The following NPM2 variants were observed in gnomAD, a reference collection of about 807,000 sequenced individuals.
The protein encoded by NPM2 is nucleophosmin/nucleoplasmin 2.
A neutral mutation model predicts 32.0 loss-of-function variants in NPM2; 25 were observed. The observed-to-expected ratio is 0.78, with a 90% confidence interval of 0.57 to 1.09. The LOEUF is 1.09. Among genes scored for constraint, NPM2 ranks in the 50% least tolerant of loss-of-function variants. NPM2 has a pLI of 0.00. For missense variants in NPM2, 282 were observed against 259.9 expected (o/e 1.08, Z -0.58); for synonymous variants, 111 against 94.2 (o/e 1.18, Z -1.04).
At chr8:22,025,403 A>G in intron 3 of NPM2, 33 bp from the exon 4 acceptor site, 1 of 1,608,878 alleles carries the variant, frequency 6.2e-7, no homozygotes, top group Non-Finnish European at 8.5e-7. Flanking sequence ...GAACGAATGG[A>G]GGGCCCCACT....
rs377212605 is a variant in NPM2 at position 22,036,729 on chromosome 8, C to T, written c.*47C>T. On this transcript the variant is annotated 3_prime_UTR_variant, in exon 10 of 10. Coordinates refer to ENST00000518119, the MANE Select transcript of NPM2 (RefSeq NM_001286680.2). ...CGGTGCAAAGTGGGCCTTCCCTGGG[C>T]TGTGCTGCAGGCACAGGGTGCCCCT... 2.6e-6 allele frequency: 4 copies of T among 1,518,222 alleles called. No individual in the cohort carries two copies. The highest frequency in any genetic ancestry group is 2.8e-5 in the African/African-American group (2 of 70,948). 94.0% of individuals were successfully genotyped at this position (1,518,222 alleles called of 1,614,324 possible).
In NPM2 at chr8:22,033,196, G is replaced by C; in HGVS notation, c.337G>C (p.Val113Leu). Residue 113 changes from valine to leucine, a missense_variant, in exon 6 of 10, where the codon GTG becomes CTG. Val to Leu is a conservative substitution (Grantham distance 32). Coordinates refer to ENST00000518119, the MANE Select transcript of NPM2 (RefSeq NM_001286680.2). Reference sequence around the variant, plus strand: ...CCAGCTCCGGGCTGGCTCAGGACCCGTGTTCCTCAGTGGCCAGGAACGTTA... The same window carrying C: ...CCAGCTCCGGGCTGGCTCAGGACCCCTGTTCCTCAGTGGCCAGGAACGTTA... Reference protein sequence around the residue: ...TFQLRAGSGPVFLSGQERYEA... With the variant: ...TFQLRAGSGPLFLSGQERYEA... 6.2e-7 allele frequency: 1 copy of C among 1,613,982 alleles called. No individual in the cohort carries two copies. The highest frequency in any genetic ancestry group is 2.2e-5 in the East Asian group (1 of 44,866).
intron 9 of NPM2, 36 bp from the exon 10 acceptor site, chr8:22,036,602 G>A: frequency 6.4e-7 from 1 of 1,555,022 alleles, no homozygotes; most frequent in Non-Finnish European, 8.7e-7. Flanking sequence ...TATGGAGAAG[G>A]GAACGGGACC....
chr8:22,034,312 T>C (rs753674253), intron 7 of NPM2, 37 bp downstream of exon 7: 27 of 1,550,898 alleles, frequency 1.7e-5, no homozygotes, highest in Non-Finnish European at 2.4e-5. Context: ...AAGGAAGTGG[T>C]ACCCCTACAG....
intron 3 of NPM2, 44 bp from the exon 4 acceptor site, chr8:22,025,392 G>T (rs972177050): frequency 1.2e-6 from 2 of 1,606,892 alleles, no homozygotes; most frequent in African/African-American, 1.3e-5. Flanking sequence ...CCCTCCTTTG[G>T]GAACGAATGG....
chr8:22,028,485 ATTTTTTTTTT>A (rs34390285), intron 5 of NPM2, among the ~76,000 whole-genome samples: 1 of 139,318 alleles, frequency 7.2e-6, no homozygotes. Context: ...TGCCCAGCTG[ATTTTTTTTTT>A]TTTTTGTAAT....
intron 3 of NPM2, 45 bp from the exon 4 acceptor site, chr8:22,025,391 G>C: frequency 6.2e-7 from 1 of 1,606,350 alleles, no homozygotes. Flanking sequence ...CCCCTCCTTT[G>C]GGAACGAATG....
At position 22,025,770 on chromosome 8, in the gene NPM2, A is replaced by G. The variant is rs775998097; in HGVS notation, c.268A>G (p.Met90Val). The G allele has an allele frequency of 2.5e-6, 4 of 1,613,864 alleles. No homozygotes were observed. Among genetic ancestry groups the G allele is most frequent in the South Asian group, 1.1e-5 (1 of 91,080 alleles). ...CTCACTCCAGGCCTCAGTCCTCCCC[A>G]TGGTGCGCATTTCCCTGCTGGCTGG... ...IASLQASVLP[M>V]VSMVGVQLSP... is the part of the protein sequence containing the mutation. The change falls in exon 5 of 10, where the codon ATG becomes GTG. Residue 90 changes from methionine (M) to valine (V), a missense_variant and splice_region_variant. Transcript: ENST00000518119.
At chr8:22,027,122 T>C (rs1007512160) in intron 5 of NPM2, among the ~76,000 whole-genome samples, 1 of 152,230 alleles carries the variant, frequency 6.6e-6, no homozygotes, top group Admixed American at 6.5e-5. Context: ...TTTACTCATA[T>C]ATTGAGCCCT....
intron 5 of NPM2, among the ~76,000 whole-genome samples, chr8:22,027,117 T>C (rs1456942456): frequency 1.3e-5 from 2 of 152,232 alleles, no homozygotes; most frequent in Admixed American, 6.5e-5. Flanking sequence ...TTTGTTTTAC[T>C]CATATATTGA....
At chr8:22,030,881 C>A (rs1800416471) in intron 5 of NPM2, among the ~76,000 whole-genome samples, 1 of 152,114 alleles carries the variant, frequency 6.6e-6, no homozygotes, top group Non-Finnish European at 1.5e-5. Flanking sequence ...GTTCTAAGTT[C>A]TTGGTCGGGC....
chr8:22,033,977 A>T, intron 6 of NPM2, 132 bp from the exon 7 acceptor site: 1 of 1,378,636 alleles, frequency 7.3e-7, no homozygotes, highest in Non-Finnish European at 9.7e-7. Flanking sequence ...GCAGGCAGGT[A>T]ACCACTGTCA....
chr8:22,025,707 A>T lies in NPM2; in HGVS notation c.205A>T (p.Asn69Tyr). 6.2e-7 allele frequency: 1 copy of T among 1,614,102 alleles called. No individual in the cohort carries two copies. The highest frequency in any genetic ancestry group is 8.5e-7 in the Non-Finnish European group (1 of 1,179,994). Reference sequence around the variant, plus strand: ...TCGCGTGGAGATCCTGCCCCCAGCAAACCAGGAGGACAAGAAGATGCAGCC... The same window carrying T: ...TCGCGTGGAGATCCTGCCCCCAGCATACCAGGAGGACAAGAAGATGCAGCC... Reference protein sequence around the residue: ...MHRVEILPPANQEDKKMQPVT... With the variant: ...MHRVEILPPAYQEDKKMQPVT... The change falls in exon 5 of 10, where the codon AAC (asparagine) becomes TAC (tyrosine). Residue 69 changes from asparagine (N) to tyrosine (Y), a missense_variant. By Grantham distance (143) the Asn-to-Tyr change is moderately radical. Transcript: ENST00000518119.
rs1209519006 is a variant in NPM2 at position 22,036,515 on chromosome 8, C to G, written c.589C>G (p.Pro197Ala). Residue 197 changes from proline to alanine, a missense_variant, in exon 9 of 10, where the codon CCT (proline) becomes GCT (alanine). Pro to Ala is a conservative substitution (Grantham distance 27). Transcript: ENST00000518119. Reference protein sequence around the residue: ...EIRASVRDKSPVKKAKATARA... With the variant: ...EIRASVRDKSAVKKAKATARA... Reference sequence around the variant, plus strand: ...CAGAGCCAGCGTTAGAGACAAGAGCCCTGTGAAAAAGGTGAGTAGGACCAG... The same window carrying G: ...CAGAGCCAGCGTTAGAGACAAGAGCGCTGTGAAAAAGGTGAGTAGGACCAG... The G allele has an allele frequency of 6.9e-6, 11 of 1,602,878 alleles. No individual in the cohort carries two copies. Among genetic ancestry groups the G allele is most frequent in the Non-Finnish European group, 9.4e-6 (11 of 1,175,022 alleles).
At chr8:22,028,447 T>G (rs1217998624) in intron 5 of NPM2, among the ~76,000 whole-genome samples, 1 of 146,554 alleles carries the variant, frequency 6.8e-6, no homozygotes, top group African/African-American at 2.5e-5. Context: ...ACCTCCTTAG[T>G]AGCCGGGACA....
At chr8:22,029,877 A>G (rs1293681755) in intron 5 of NPM2, among the ~76,000 whole-genome samples, 1 of 152,092 alleles carries the variant, frequency 6.6e-6, no homozygotes, top group Non-Finnish European at 1.5e-5. Flanking sequence ...GGCTTATTTT[A>G]AGATAATGTC....
Position 22,034,110 on chromosome 8 carries a change from A to T in NPM2, c.366A>T (p.Glu122Asp), listed in dbSNP as rs1340311559. 1 of 1,585,632 alleles carries T rather than the reference A, an allele frequency of 6.3e-7. No individual in the cohort carries two copies. Among genetic ancestry groups the T allele is most frequent in the East Asian group, 2.2e-5 (1 of 44,728 alleles). The change falls in exon 7 of 10, where the codon GAA (glutamate) becomes GAT (aspartate). Residue 122 changes from glutamate (E) to aspartate (D), a missense_variant and splice_region_variant. By Grantham distance (45) the Glu-to-Asp change is conservative. Transcript: ENST00000518119. ...PVFLSGQERYEASDLTWEEEE... is the reference protein window; with the variant it reads ...PVFLSGQERYDASDLTWEEEE... ...GCATCCTTTCCCATGCTATTACAGAAGCATCAGACCTAACCTGGGAGGAGG... is the reference window on the plus strand; with the variant it reads ...GCATCCTTTCCCATGCTATTACAGATGCATCAGACCTAACCTGGGAGGAGG...
At chr8:22,033,059 C>A in intron 5 of NPM2, 71 bp from the exon 6 acceptor site, 1 of 1,103,750 alleles carries the variant, frequency 9.1e-7, no homozygotes, top group Non-Finnish European at 1.4e-6. Flanking sequence ...CTCAGTATTT[C>A]TGCCTGAGGC....
In NPM2 at chr8:22,034,222, C is replaced by T. The variant is rs1469845082; in HGVS notation, c.478C>T (p.Pro160Ser). The change falls in exon 7 of 10, where the codon CCT (proline) becomes TCT (serine). Residue 160 changes from proline (P) to serine (S), a missense_variant. Transcript: ENST00000518119. ...DADISLEEQS[P>S]VKQVKRLVPQ... ...AGATATATCTCTGGAGGAGCAAAGC[C>T]CTGTCAAACAAGTCAAAAGGCTGGT... 1 of 1,609,958 alleles carries T rather than the reference C, an allele frequency of 6.2e-7. No individual in the cohort carries two copies. Among genetic ancestry groups the T allele is most frequent in the South Asian group, 1.1e-5 (1 of 90,470 alleles).
Sources: gnomAD v4.1 joint callset for allele counts (sites outside exome capture counted in the v4.1 genomes callset) on GRCh38, gnomAD v4.1.1 for gene constraint, MANE v1.5 for transcripts, NCBI Gene and HGNC (gene_info 2026-07-23, HGNC 2026-07-21) for gene names.